The following ORC4 variants were observed in gnomAD, a reference collection of about 807,000 sequenced individuals.
ORC4 encodes the protein origin recognition complex, subunit 4 homolog.
Under a neutral mutation model 63.9 loss-of-function variants are expected in ORC4, and 55 were observed. The observed-to-expected ratio is 0.86, with a 90% CI of 0.69 to 1.08. The LOEUF (loss-of-function observed/expected upper bound fraction) is 1.08. Ranked by LOEUF, ORC4 falls within the 50% of genes least tolerant of loss-of-function variation. The pLI, the probability that ORC4 is intolerant of heterozygous loss-of-function variation, is 0.00. For missense variants in ORC4, 511 were observed against 504.4 expected, an observed-to-expected ratio of 1.01 and a Z score of -0.13; for synonymous variants, 150 against 168.5, an observed-to-expected ratio of 0.89 and a Z score of 0.85.
chr2:147,996,792 A>G (rs1317048912), intron 1 of ORC4, among the ~76,000 whole-genome samples: 1 of 152,244 alleles, frequency 6.6e-6, no homozygotes, highest in African/African-American at 2.4e-5. Flanking sequence ...GGGAACTCTC[A>G]TTCATGGCTC....
At chr2:147,978,323 T>C (rs1302043820) in intron 1 of ORC4, among the ~76,000 whole-genome samples, 1 of 152,210 alleles carries the variant, frequency 6.6e-6, no homozygotes, top group African/African-American at 2.4e-5. Flanking sequence ...TCAGAGCTTT[T>C]TCAGCATATG....
rs887393839 is a variant in ORC4, at chr2:147,958,357, C to T, written c.328G>A (p.Ala110Thr). The change falls in exon 6 of 14, where the codon GCC (alanine) becomes ACC (threonine). Residue 110 changes from alanine to threonine, a missense_variant. Physicochemically the swap from Ala to Thr is moderately conservative, Grantham distance 58. Transcript: ENST00000392857. ...NGLLQINDKI[A>T]LKEITRQLNL... is the part of the protein sequence containing the mutation. ...AACTGCCTTGTGATTTCCTTTAGGG[C>T]GATTTTGTCATTGATCTGCAGCAGT... The T allele has an allele frequency of 3.7e-6, 6 of 1,612,052 alleles. No individual in the cohort carries two copies. In the East Asian group the frequency reaches 6.7e-5, roughly 18 times the overall value.
chr2:147,964,482 T>A (rs1689784375), intron 4 of ORC4, among the ~76,000 whole-genome samples: 1 of 152,168 alleles, frequency 6.6e-6, no homozygotes. Context: ...ATTATTGTAC[T>A]TTCAGGAGGA....
At chr2:147,991,220 G>A (rs952085447) in intron 1 of ORC4, among the ~76,000 whole-genome samples, 19 of 151,820 alleles carry the variant, frequency 1.3e-4, no homozygotes, top group African/African-American at 4.1e-4. Context: ...GCTAATTTTT[G>A]TATTTTTAGT....
chr2:147,943,085 T>TAA (rs1688455740), intron 10 of ORC4, among the ~76,000 whole-genome samples: 1 of 152,092 alleles, frequency 6.6e-6, no homozygotes, highest in Non-Finnish European at 1.5e-5. Context: ...GTAAGAGCTA[T>TAA]AAAATGCTGA....
intron 4 of ORC4, chr2:147,960,388 GCAAT>G (rs1689520111): frequency 1.1e-6 from 1 of 950,010 alleles, no homozygotes; most frequent in African/African-American, 1.8e-5. Context: ...TATTGTTTAT[GCAAT>G]CAACCATTTA....
At chr2:147,986,534 A>T (rs983271539) in intron 1 of ORC4, among the ~76,000 whole-genome samples, 2 of 152,204 alleles carry the variant, frequency 1.3e-5, no homozygotes, top group African/African-American at 4.8e-5. Flanking sequence ...GGAGAAAAAA[A>T]TGCTAAAATA....
intron 1 of ORC4, among the ~76,000 whole-genome samples, chr2:148,016,415 C>T (rs1474826239): frequency 6.6e-6 from 1 of 152,174 alleles, no homozygotes; most frequent in African/African-American, 2.4e-5. Flanking sequence ...ATGAGATGCA[C>T]TTAAAACTGT....
At chr2:148,012,457 A>G (rs532969076) in intron 1 of ORC4, among the ~76,000 whole-genome samples, 95 of 152,198 alleles carry the variant, frequency 6.2e-4, no homozygotes, top group Non-Finnish European at 1.3e-3. Context: ...AGAAAAATGC[A>G]TTAAAGACTT....
intron 7 of ORC4, among the ~76,000 whole-genome samples, chr2:147,953,772 G>C (rs1379665704): frequency 6.6e-6 from 1 of 151,990 alleles, no homozygotes; most frequent in East Asian, 1.9e-4. Context: ...TTTTACCTTA[G>C]GCTTAACGCC....
chr2:147,963,937 G>A (rs1361434270), intron 4 of ORC4, among the ~76,000 whole-genome samples: 1 of 152,078 alleles, frequency 6.6e-6, no homozygotes, highest in South Asian at 2.1e-4. Context: ...CTGACACCTC[G>A]AGACACATTG....
chr2:147,943,376 C>A (rs17231987), intron 10 of ORC4, 60 bp downstream of exon 10: 11,330 of 1,109,118 alleles, frequency 0.01, 220 homozygotes, highest in Admixed American at 0.059. Flanking sequence ...CAAAGTGAGA[C>A]CCCGTCACTA....
chr2:147,958,553 C>A, intron 5 of ORC4, 170 bp from the exon 6 acceptor site: 1 of 607,770 alleles, frequency 1.6e-6, no homozygotes. Flanking sequence ...AACAATCCTC[C>A]TTGGGATTAG....
chr2:147,935,804 T>C, intron 13 of ORC4, 106 bp from the exon 14 acceptor site: 1 of 857,264 alleles, frequency 1.2e-6, no homozygotes, highest in Non-Finnish European at 1.9e-6. Flanking sequence ...CAGAACAGAG[T>C]ACTGGGAAGC....
chr2:147,992,169 C>T (rs1691654938), intron 1 of ORC4, among the ~76,000 whole-genome samples: 1 of 152,090 alleles, frequency 6.6e-6, no homozygotes, highest in Non-Finnish European at 1.5e-5. Context: ...AAGTAGGCTA[C>T]CTTCAGGATT....
intron 4 of ORC4, among the ~76,000 whole-genome samples, chr2:147,968,027 A>G (rs1379644701): frequency 6.6e-6 from 1 of 152,066 alleles, no homozygotes; most frequent in Non-Finnish European, 1.5e-5. Context: ...TACAAAGGCC[A>G]AGAACACTCA....
chr2:148,018,812 T>C (rs982523982), intron 1 of ORC4, among the ~76,000 whole-genome samples: 1 of 152,182 alleles, frequency 6.6e-6, no homozygotes, highest in African/African-American at 2.4e-5. Context: ...AAAATCAGTA[T>C]AGTGTTAACC....
intron 10 of ORC4, among the ~76,000 whole-genome samples, chr2:147,940,560 G>A (rs767681027): frequency 4.4e-4 from 67 of 152,046 alleles, no homozygotes; most frequent in Middle Eastern, 6.8e-3. Flanking sequence ...AGTGGATAAA[G>A]AAACTGTGGT....
intron 4 of ORC4, among the ~76,000 whole-genome samples, chr2:147,962,962 C>A (rs1482001698): frequency 6.6e-6 from 1 of 152,068 alleles, no homozygotes; most frequent in East Asian, 1.9e-4. Context: ...ATGGGCCACC[C>A]ATGGTGAATA....
Sources: gnomAD v4.1 joint callset for allele counts (sites outside exome capture counted in the v4.1 genomes callset) on GRCh38, gnomAD v4.1.1 for gene constraint, MANE v1.5 for transcripts, NCBI Gene and HGNC (gene_info 2026-07-23, HGNC 2026-07-21) for gene names.